The following CLASP2 variants were observed in gnomAD, a reference collection of about 807,000 sequenced individuals.
The protein encoded by CLASP2 is cytoplasmic linker associated protein 2.
CLASP2 carries 47 observed loss-of-function variants against 194.4 expected under a neutral mutation model. The ratio of observed to expected loss-of-function variants is 0.24; its 90% CI spans 0.19 to 0.31. The LOEUF is 0.31. Ranked by LOEUF, CLASP2 falls within the 10% of genes least tolerant of loss-of-function variation. CLASP2 has a pLI of 1.00. For synonymous variants in CLASP2, 619 were observed against 633.5 expected, an observed-to-expected ratio of 0.98 and a Z score of 0.34; for missense variants, 1,445 against 1,823.6, an observed-to-expected ratio of 0.79 and a Z score of 3.78.
intron 6 of CLASP2, among the ~76,000 whole-genome samples, chr3:33,671,899 C>T (rs1014850388): frequency 7.9e-5 from 12 of 152,158 alleles, no homozygotes; most frequent in African/African-American, 1.4e-4. Context: ...GAGGGGTGCC[C>T]GCCATTGCCC....
chr3:33,499,866 G>T (rs6772776), intron 38 of CLASP2, among the ~76,000 whole-genome samples: 51,859 of 151,870 alleles, frequency 0.34, 9,314 homozygotes, highest in Admixed American at 0.48. Context: ...GGTAAGAAGT[G>T]GGCAAAAATA....
intron 20 of CLASP2, chr3:33,592,776 A>G (rs1404535603): frequency 1.5e-5 from 6 of 398,078 alleles, no homozygotes; most frequent in Non-Finnish European, 2.8e-5. Flanking sequence ...GATAATCACC[A>G]TAAGCATGTC....
Position 33,592,315 on chromosome 3 carries a change from C to T in CLASP2, c.2068+80G>A, listed in dbSNP as rs188533559. 3.5e-4 allele frequency: 342 copies of T among 979,404 alleles called. 4 individuals carry two copies. The African/African-American group carries it at 5.0e-3, about 14-fold the overall frequency. 60.7% of individuals were successfully genotyped at this position (979,404 alleles called of 1,614,324 possible). ...GCTTTGTCTTTATCCACTGGTCAAT[C>T]GTCTAATACAGTAATACAAAAGCAA... On this transcript the variant is annotated intron_variant, in intron 21 of 38. Coordinates refer to ENST00000682230, the MANE Select transcript of CLASP2 (RefSeq NM_001365631.1).
At chr3:33,661,899 A>C (rs754830134) in intron 7 of CLASP2, among the ~76,000 whole-genome samples, 4 of 152,228 alleles carry the variant, frequency 2.6e-5, no homozygotes, top group Non-Finnish European at 5.9e-5. Context: ...TCCTTCTTCT[A>C]GCATCCTCTT....
chr3:33,560,481 G>A (rs1012174751), intron 28 of CLASP2, among the ~76,000 whole-genome samples: 1 of 152,074 alleles, frequency 6.6e-6, no homozygotes. Flanking sequence ...GACCTCAAGT[G>A]ATCTGCCTGC....
At position 33,544,694 on chromosome 3, in the gene CLASP2, T is replaced by C. The variant is rs2058876753; in HGVS notation, c.3297+4A>G. 3.1e-6 allele frequency: 5 copies of C among 1,607,278 alleles called. No homozygotes were observed. The highest frequency in any genetic ancestry group is 1.3e-5 in the African/African-American group (1 of 74,550). On this transcript the variant is annotated splice_donor_region_variant and intron_variant, in intron 31 of 38. Coordinates refer to ENST00000682230, the MANE Select transcript of CLASP2 (RefSeq NM_001365631.1). ...TGATAGCCAAGAAAATAAGTAACAATTACCTGGGTTCCATTGCCAGTGTTT... is the reference window on the plus strand; with the variant it reads ...TGATAGCCAAGAAAATAAGTAACAACTACCTGGGTTCCATTGCCAGTGTTT...
intron 27 of CLASP2, among the ~76,000 whole-genome samples, chr3:33,562,369 A>G (rs1412745347): frequency 6.6e-6 from 1 of 152,138 alleles, no homozygotes; most frequent in Non-Finnish European, 1.5e-5. Context: ...GAGGGCCAGG[A>G]ATATTGTCAA....
At chr3:33,631,751 A>G (rs1003321486) in intron 9 of CLASP2, among the ~76,000 whole-genome samples, 8 of 152,124 alleles carry the variant, frequency 5.3e-5, no homozygotes, top group Admixed American at 5.2e-4. Context: ...AAAAATTAGA[A>G]GCAAACTATA....
intron 27 of CLASP2, chr3:33,563,852 C>T (rs1479440038): frequency 2.2e-6 from 1 of 454,974 alleles, no homozygotes; most frequent in Non-Finnish European, 4.4e-6. Flanking sequence ...TAACTCCAAA[C>T]TGATCTTGGG....
At chr3:33,544,334 T>C (rs1214420128) in intron 31 of CLASP2, among the ~76,000 whole-genome samples, 1 of 152,190 alleles carries the variant, frequency 6.6e-6, no homozygotes, top group African/African-American at 2.4e-5. Flanking sequence ...TTGTTAACCC[T>C]GGAATAAGTC....
chr3:33,530,268 A>T (rs1242974498), intron 34 of CLASP2, among the ~76,000 whole-genome samples: 1 of 152,032 alleles, frequency 6.6e-6, no homozygotes, highest in Non-Finnish European at 1.5e-5. Context: ...TGAGCCCAGG[A>T]GTTTTAGACT....
At chr3:33,589,897 A>G (rs2068315185) in intron 21 of CLASP2, among the ~76,000 whole-genome samples, 1 of 152,252 alleles carries the variant, frequency 6.6e-6, no homozygotes, top group South Asian at 2.1e-4. Context: ...ATTAATTTTT[A>G]TCCTTAGACA....
intron 34 of CLASP2, among the ~76,000 whole-genome samples, chr3:33,526,588 CA>C (rs1287612256): frequency 2.0e-5 from 3 of 152,142 alleles, no homozygotes; most frequent in Non-Finnish European, 4.4e-5. Context: ...AGAAAATTAA[CA>C]AAGATATTCA....
At chr3:33,538,481 G>A (rs1290560114) in intron 33 of CLASP2, among the ~76,000 whole-genome samples, 4 of 152,032 alleles carry the variant, frequency 2.6e-5, no homozygotes, top group East Asian at 1.9e-4. Context: ...TGATTTTGTC[G>A]TATAAATCTA....
chr3:33,706,908 T>G (rs2092713290), intron 1 of CLASP2, among the ~76,000 whole-genome samples: 1 of 152,140 alleles, frequency 6.6e-6, no homozygotes, highest in Admixed American at 6.5e-5. Flanking sequence ...GAGGCTGCAG[T>G]GAGCTGTGTT....
intron 13 of CLASP2, among the ~76,000 whole-genome samples, chr3:33,611,581 A>G (rs1229081482): frequency 6.6e-6 from 1 of 152,178 alleles, no homozygotes; most frequent in Admixed American, 6.5e-5. Context: ...ACATTCTACT[A>G]ATGTGTATCT....
intron 34 of CLASP2, among the ~76,000 whole-genome samples, chr3:33,531,649 C>G (rs2154129128): frequency 6.6e-6 from 1 of 152,282 alleles, no homozygotes; most frequent in East Asian, 1.9e-4. Flanking sequence ...GCGGTGCACA[C>G]CTGTAATCCC....
chr3:33,499,746 C>A (rs1448404644), intron 38 of CLASP2, among the ~76,000 whole-genome samples: 1 of 152,110 alleles, frequency 6.6e-6, no homozygotes, highest in Non-Finnish European at 1.5e-5. Flanking sequence ...CAATTGAGTA[C>A]TAGGTGTTAC....
chr3:33,691,790 T>C (rs1275519313), intron 2 of CLASP2, among the ~76,000 whole-genome samples: 1 of 152,080 alleles, frequency 6.6e-6, no homozygotes. Context: ...TGAAACAGAG[T>C]AGGCCCATTT....
Sources: gnomAD v4.1 joint callset for allele counts (sites outside exome capture counted in the v4.1 genomes callset) on GRCh38, gnomAD v4.1.1 for gene constraint, MANE v1.5 for transcripts, NCBI Gene and HGNC (gene_info 2026-07-23, HGNC 2026-07-21) for gene names.